The following MCF2 variants were observed in gnomAD, a reference collection of about 807,000 sequenced individuals.
MCF2 encodes the protein MCF.2 cell line derived transforming sequence.
A neutral mutation model predicts 82.5 loss-of-function variants in MCF2; 44 were observed. That is an observed-to-expected ratio of 0.53 (90% confidence interval 0.42 to 0.69). The LOEUF (loss-of-function observed/expected upper bound fraction) is 0.69. Ranked by LOEUF, MCF2 falls within the 30% of genes least tolerant of loss-of-function variation. The probability of loss-of-function intolerance (pLI) is 0.00; values close to 1 mark genes in which losing one functional copy is unlikely to be tolerated. For missense variants in MCF2, 623 were observed against 663.1 expected (o/e 0.94, Z 0.66); for synonymous variants, 217 against 224.9 (o/e 0.96, Z 0.32).
chrX:139,596,614 T>G, exon 19 of MCF2: 5 of 1,210,724 alleles, frequency 4.1e-6, no homozygotes, highest in Non-Finnish European at 5.6e-6. Context: ...TCAACACGCC[T>G]TTTGCAAAAA....
chrX:139,625,444 A>G (rs1324308398), intron 6 of MCF2, among the ~76,000 whole-genome samples: 1 of 111,485 alleles, frequency 9.0e-6, no homozygotes, highest in Non-Finnish European at 1.9e-5. Flanking sequence ...GTGGTAACTG[A>G]GCCCCGCGTC....
intron 20 of MCF2, among the ~76,000 whole-genome samples, chrX:139,589,329 A>T (rs924970158): frequency 1.8e-5 from 2 of 112,237 alleles, no homozygotes; most frequent in Non-Finnish European, 3.8e-5. Context: ...CTCCAGATAC[A>T]AATATTTATT....
At chrX:139,650,373 A>C (rs1261963647) in intron 2 of MCF2, among the ~76,000 whole-genome samples, 3 of 110,256 alleles carry the variant, frequency 2.7e-5, no homozygotes, top group Non-Finnish European at 5.7e-5. Flanking sequence ...TAATAATGAT[A>C]ATAAAAGCAG....
intron 1 of MCF2, among the ~76,000 whole-genome samples, chrX:139,638,498 C>T (rs188246958): frequency 9.0e-6 from 1 of 111,459 alleles, no homozygotes; most frequent in East Asian, 2.8e-4. Context: ...CCATGGTGAA[C>T]TGGAGAACAT....
chrX:139,632,907 A>T (rs1047656884), intron 1 of MCF2, among the ~76,000 whole-genome samples: 1 of 112,007 alleles, frequency 8.9e-6, no homozygotes, highest in Non-Finnish European at 1.9e-5. Context: ...AATCCAATCA[A>T]TATTTACTGA....
At chrX:139,632,009 A>G (rs1294351217) in intron 2 of MCF2, among the ~76,000 whole-genome samples, 6 of 111,357 alleles carry the variant, frequency 5.4e-5, no homozygotes, top group African/African-American at 2.0e-4. Flanking sequence ...CATACACTCA[A>G]TTTTACTAAA....
At chrX:139,629,507 G>T (rs1267778926) in intron 4 of MCF2, among the ~76,000 whole-genome samples, 188 bp downstream of exon 7, 1 of 111,561 alleles carries the variant, frequency 9.0e-6, no homozygotes, top group Non-Finnish European at 1.9e-5. Flanking sequence ...TTACGGAGGG[G>T]ACACTTAGGT....
intron 4 of MCF2, 94 bp downstream of exon 7, chrX:139,629,601 C>T: frequency 1.3e-6 from 1 of 783,714 alleles, no homozygotes. Context: ...TTTTATCTCC[C>T]CTTATGCAAC....
At chrX:139,660,907 T>C (rs1934338901) in intron 1 of MCF2, among the ~76,000 whole-genome samples, 2 of 111,130 alleles carry the variant, frequency 1.8e-5, no homozygotes, top group Admixed American at 1.9e-4. Flanking sequence ...ATAAACAGAG[T>C]TCCTCACCTC....
At chrX:139,678,395 G>T (rs1934922865) in intron 1 of MCF2, among the ~76,000 whole-genome samples, 1 of 111,476 alleles carries the variant, frequency 9.0e-6, no homozygotes, top group African/African-American at 3.3e-5. Context: ...TGATATCTGT[G>T]TAACCTATGG....
At chrX:139,617,769 G>T (rs1177798471) in intron 7 of MCF2, 65 bp from the exon 11 acceptor site, 10 of 697,961 alleles carry the variant, frequency 1.4e-5, no homozygotes, top group Non-Finnish European at 1.9e-5. Context: ...AAAAAAAGAA[G>T]AAAATAATTA....
At chrX:139,615,458 G>A (rs1299601751) in intron 9 of MCF2, among the ~76,000 whole-genome samples, 1 of 111,831 alleles carries the variant, frequency 8.9e-6, no homozygotes, top group Non-Finnish European at 1.9e-5. Context: ...TACCCTGTAG[G>A]ACATTCTTGT....
intron 11 of MCF2, among the ~76,000 whole-genome samples, chrX:139,608,532 C>T (rs12389139): frequency 0.011 from 1,250 of 110,958 alleles, 14 homozygotes; most frequent in African/African-American, 0.039. Context: ...TCCTGGTATC[C>T]AATCTCAGCT....
At chrX:139,615,158 A>G in intron 9 of MCF2, 106 bp from the exon 13 acceptor site, 1 of 579,056 alleles carries the variant, frequency 1.7e-6, no homozygotes, top group Non-Finnish European at 2.8e-6. Flanking sequence ...TTTAGAGTTT[A>G]AAATATAACT....
chrX:139,617,862 CACAA>C (rs764323333), intron 7 of MCF2, among the ~76,000 whole-genome samples, 158 bp from the exon 11 acceptor site: 70 of 98,238 alleles, frequency 7.1e-4, no homozygotes, highest in African/African-American at 2.5e-3. Flanking sequence ...AAAAAAAAAA[CACAA>C]ACAAACAAAC....
At position 139,693,483 on chromosome X, in the gene MCF2, A is replaced by AAC. The variant is rs67506907; in HGVS notation, c.-45+14621_-45+14622dup. 2.7e-3 allele frequency among the ~76,000 whole-genome samples: 262 copies of AAC among 98,427 alleles called. 1 individual carries two copies. The highest frequency in any genetic ancestry group is 7.4e-3 in the African/African-American group (201 of 26,989). The allele number at this position is 98,427 out of a possible 115,157, so 85.5% of individuals were successfully genotyped here. A position where few individuals can be genotyped will look rare whatever the true frequency, so the allele number is the denominator to read the frequency against. The stretch of plus-strand genomic sequence containing the variant: ...CAAAAGGCAGAGTGAGTAGGGGAGG[A>AAC]ACACACACACACACACACACACACA... On this transcript the variant is annotated intron_variant, in intron 1 of 27. Coordinates refer to the MCF2 transcript ENST00000414978.
At chrX:139,627,252 A>G (rs770413920) in intron 4 of MCF2, among the ~76,000 whole-genome samples, 1 of 111,961 alleles carries the variant, frequency 8.9e-6, no homozygotes, top group East Asian at 2.8e-4. Flanking sequence ...AACACTTTTA[A>G]TGAGCTCAAA....
Position 139,688,180 on chromosome X carries a change from A to G in MCF2, c.-45+19926T>C, listed in dbSNP as rs57991810. ...ATCTGTCCCCATTTAGTATAGGGAC[A>G]AACAGCCCTCCACAGTTTAGGAGCC... On this transcript the variant is annotated intron_variant, in intron 1 of 27. Transcript: ENST00000414978. Among the ~76,000 whole-genome samples, 478 of 112,114 alleles carry G rather than the reference A, an allele frequency of 4.3e-3. 5 individuals carry two copies. The highest frequency in any genetic ancestry group is 0.015 in the African/African-American group (452 of 30,857).
chrX:139,683,680 C>T (rs912917358), intron 1 of MCF2, among the ~76,000 whole-genome samples: 7 of 111,525 alleles, frequency 6.3e-5, no homozygotes, highest in Middle Eastern at 4.6e-3. Context: ...ATCTTTGTAC[C>T]GAAGGTTAAT....
Sources: allele counts gnomAD v4.1 joint callset (sites outside exome capture counted in the v4.1 genomes callset), GRCh38; gene constraint gnomAD v4.1.1; transcripts MANE v1.5; gene names NCBI Gene and HGNC (gene_info 2026-07-23, HGNC 2026-07-21).